The following ATP10B variants were observed in gnomAD, a reference collection of about 807,000 sequenced individuals.
ATP10B encodes phospholipid-transporting ATPase VB.
In ATP10B, 122 loss-of-function variants were observed where a neutral mutation model predicts 141.2. The ratio of observed to expected loss-of-function variants is 0.86; its 90% CI spans 0.75 to 1.00. The LOEUF (loss-of-function observed/expected upper bound fraction) is 1.00, where lower values mean the gene tolerates loss of function less well. Among genes scored for constraint, ATP10B ranks in the 50% least tolerant of loss-of-function variants. The pLI is 0.00. For synonymous variants in ATP10B, 685 were observed against 692.0 expected (o/e 0.99, Z 0.16); for missense variants, 1,876 against 1,825.3 (o/e 1.03, Z -0.51).
At chr5:160,755,698 C>G (rs1370175768) in intron 2 of ATP10B, among the ~76,000 whole-genome samples, 5 of 147,640 alleles carry the variant, frequency 3.4e-5, no homozygotes, top group Non-Finnish European at 6.0e-5. Flanking sequence ...GCCTGTAGTC[C>G]CAGCTACGCG....
chr5:160,921,288 T>TA, the ATP10B span, among the ~76,000 whole-genome samples: 1 of 151,558 alleles, frequency 6.6e-6, no homozygotes, highest in Non-Finnish European at 1.5e-5. Flanking sequence ...TTTTTTTTTT[T>TA]ACTTAATATA....
At chr5:160,652,888 AT>A (rs1408009875) in intron 7 of ATP10B, among the ~76,000 whole-genome samples, 1 of 27,952 alleles carries the variant, frequency 3.6e-5, no homozygotes, top group Non-Finnish European at 6.7e-5. Flanking sequence ...TATATATATA[AT>A]TATATAATAT....
intron 7 of ATP10B, among the ~76,000 whole-genome samples, chr5:160,655,497 C>A (rs1761430438): frequency 6.6e-6 from 1 of 151,994 alleles, no homozygotes; most frequent in African/African-American, 2.4e-5. Context: ...TGCAGGCACA[C>A]CATAAAGATG....
intron 3 of ATP10B, among the ~76,000 whole-genome samples, chr5:160,708,948 G>A (rs748603207): frequency 6.6e-6 from 1 of 152,092 alleles, no homozygotes; most frequent in Non-Finnish European, 1.5e-5. Context: ...GATACACATC[G>A]GAGAGCCAGG....
Position 160,565,478 on chromosome 5 carries a change from C to G in ATP10B, c.4361G>C (p.Arg1454Pro). 6.2e-7 allele frequency: 1 copy of G among 1,614,024 alleles called. No individual in the cohort carries two copies. Among genetic ancestry groups the G allele is most frequent in the Non-Finnish European group, 8.5e-7 (1 of 1,179,936 alleles). ...CRCSKRSSHRRSQSSLTI is the reference protein window; with the variant it reads ...CRCSKRSSHRPSQSSLTI ...TCATATGGTCAGTGAACTCTGGGATCGGCGATGGCTGCTCCTCTTTGAGCA... is the reference window on the plus strand; with the variant it reads ...TCATATGGTCAGTGAACTCTGGGATGGGCGATGGCTGCTCCTCTTTGAGCA... The change falls in exon 26 of 26, where the codon CGA becomes CCA. Residue 1454 changes from arginine (R) to proline (P), a missense_variant. Arg to Pro is a moderately radical substitution (Grantham distance 103). Transcript: ENST00000327245.
intron 25 of ATP10B, among the ~76,000 whole-genome samples, chr5:160,569,051 A>G (rs904205174): frequency 6.6e-6 from 1 of 152,196 alleles, no homozygotes; most frequent in African/African-American, 2.4e-5. Context: ...CCTTGTGGCC[A>G]TGATAGAAGC....
chr5:160,814,392 A>G (rs1270098835), intron 1 of ATP10B, among the ~76,000 whole-genome samples: 1 of 152,232 alleles, frequency 6.6e-6, no homozygotes, highest in Non-Finnish European at 1.5e-5. Context: ...TCAGTGATGG[A>G]AGATCAAATG....
chr5:160,874,379 T>A, the ATP10B span, among the ~76,000 whole-genome samples: 2 of 152,164 alleles, frequency 1.3e-5, no homozygotes, highest in Admixed American at 6.5e-5. Flanking sequence ...CAAAAACTCA[T>A]CTGTACATCA....
chr5:160,838,626 G>C (rs945176109), intron 1 of ATP10B, among the ~76,000 whole-genome samples: 23 of 151,980 alleles, frequency 1.5e-4, no homozygotes, highest in Admixed American at 1.0e-3. Flanking sequence ...ATGAATAATG[G>C]TTAGTAATGT....
chr5:160,823,118 TAC>T lies in ATP10B; in HGVS notation c.-576+28821_-576+28822del, dbSNP rs1774308658. On this transcript the variant is annotated intron_variant, in intron 1 of 25. Transcript: ENST00000327245. ...CCCCCATTTACCCTGATGTGATTAT[TAC>T]ACATTGCATGCCTATATCAAAATAT... Among the ~76,000 whole-genome samples, 3 of 149,358 alleles carry T rather than the reference TAC, an allele frequency of 2.0e-5. No homozygotes were observed. The South Asian group carries it at 6.4e-4, about 32-fold the overall frequency.
chr5:160,870,758 C>A, the ATP10B span, among the ~76,000 whole-genome samples: 2 of 150,686 alleles, frequency 1.3e-5, no homozygotes, highest in South Asian at 4.2e-4. Flanking sequence ...ACACAAAAAA[C>A]AAAACAAAAA....
intron 6 of ATP10B, among the ~76,000 whole-genome samples, chr5:160,677,852 T>C (rs1388553499): frequency 6.6e-6 from 1 of 152,236 alleles, no homozygotes; most frequent in Admixed American, 6.5e-5. Flanking sequence ...AATCAGTTCA[T>C]CTTCTTTTGG....
intron 13 of ATP10B, among the ~76,000 whole-genome samples, chr5:160,627,651 G>A (rs1758679078): frequency 1.3e-5 from 2 of 152,042 alleles, no homozygotes; most frequent in Non-Finnish European, 2.9e-5. Flanking sequence ...AACAGATGAT[G>A]GCTCAACCAT....
chr5:160,653,133 T>A (rs1422174264), intron 7 of ATP10B, among the ~76,000 whole-genome samples: 2 of 131,030 alleles, frequency 1.5e-5, no homozygotes, highest in Admixed American at 9.0e-5. Context: ...ATATTATGTA[T>A]ACATAAATAT....
chr5:160,717,861 C>A (rs1765754421), intron 2 of ATP10B, among the ~76,000 whole-genome samples: 1 of 152,146 alleles, frequency 6.6e-6, no homozygotes, highest in Non-Finnish European at 1.5e-5. Flanking sequence ...TGCTCCATCT[C>A]CTAGTAGACT....
chr5:160,686,111 T>C lies in ATP10B; in HGVS notation c.438A>G (p.Ala146=), dbSNP rs765939155. The C allele has an allele frequency of 5.6e-6, 9 of 1,597,624 alleles. No homozygotes were observed. In the South Asian group the frequency reaches 5.6e-5, roughly 10 times the overall value. Residue 146 remains alanine (A), a synonymous_variant, in exon 6 of 26, where the codon GCA becomes GCG. Coordinates refer to ENST00000327245, the MANE Select transcript of ATP10B (RefSeq NM_025153.3). ...AAATTCGAATGTTGGAGCAGTTTAT[T>C]GCTTTATCAAAGCGGTGTCTCTTGA... ...EDFKRHRFDK[A]INCSNIRIYE...
the ATP10B span, among the ~76,000 whole-genome samples, chr5:160,899,401 G>T: frequency 6.6e-6 from 1 of 152,202 alleles, no homozygotes; most frequent in African/African-American, 2.4e-5. Flanking sequence ...GAGACAGGGT[G>T]GTGATATGAG....
At chr5:160,825,502 G>A (rs181518570) in intron 1 of ATP10B, among the ~76,000 whole-genome samples, 1 of 152,284 alleles carries the variant, frequency 6.6e-6, no homozygotes, top group Admixed American at 6.5e-5. Flanking sequence ...CCAGCATGTG[G>A]AACTGTGAGT....
intron 1 of ATP10B, among the ~76,000 whole-genome samples, chr5:160,812,938 G>A (rs1176809019): frequency 6.6e-6 from 1 of 152,170 alleles, no homozygotes; most frequent in Non-Finnish European, 1.5e-5. Context: ...ATCCAAAGAA[G>A]ACTACCTCAA....
Sources: gnomAD v4.1 joint callset for allele counts (sites outside exome capture counted in the v4.1 genomes callset) on GRCh38, gnomAD v4.1.1 for gene constraint, MANE v1.5 for transcripts, NCBI Gene and HGNC (gene_info 2026-07-23, HGNC 2026-07-21) for gene names.